The following CANX variants were observed in gnomAD, a reference collection of about 807,000 sequenced individuals.
CANX encodes the protein epididymis secretory sperm binding protein.
Under a neutral mutation model 75.7 loss-of-function variants are expected in CANX, and 14 were observed. The ratio of observed to expected loss-of-function variants is 0.19; its 90% confidence interval spans 0.12 to 0.29. The LOEUF (loss-of-function observed/expected upper bound fraction) is 0.29. Among genes scored for constraint, CANX ranks in the 10% least tolerant of loss-of-function variants. The pLI is 1.00. For missense variants in CANX, 567 were observed against 713.2 expected (o/e 0.79, Z 2.34); for synonymous variants, 227 against 236.9 (o/e 0.96, Z 0.38).
rs374449067 is a variant in CANX, at chr5:179,726,771, G to A, written c.1725+12G>A. 5.6e-5 allele frequency: 89 copies of A among 1,590,186 alleles called. No homozygotes were observed. Among genetic ancestry groups the A allele is most frequent in the Non-Finnish European group, 7.7e-5 (89 of 1,158,920 alleles). On this transcript the variant is annotated intron_variant, in intron 14 of 14. Coordinates refer to ENST00000247461, the MANE Select transcript of CANX (RefSeq NM_001746.4). ...AACCTAAAGCAGAGGTAAAGGAAAG[G>A]GGTCACACATTTTGTTTTACCAAGC...
chr5:179,680,641 A>G (rs975126460), intron 1 of CANX, among the ~76,000 whole-genome samples: 1 of 152,124 alleles, frequency 6.6e-6, no homozygotes, highest in Non-Finnish European at 1.5e-5. Context: ...CAAAGTCCAG[A>G]TAACAGACAA....
Position 179,705,715 on chromosome 5 carries a change from G to A in CANX, c.34G>A (p.Val12Met), listed in dbSNP as rs750129275. The A allele has an allele frequency of 2.5e-6, 4 of 1,613,216 alleles. No individual in the cohort carries two copies. Among genetic ancestry groups the A allele is most frequent in the East Asian group, 2.2e-5 (1 of 44,862 alleles). ...EGKWLLCMLLVLGTAIVEAHD... is the reference protein window; with the variant it reads ...EGKWLLCMLLMLGTAIVEAHD... ...GAAGTGGTTGCTGTGTATGTTACTG[G>A]TGCTTGGAACTGCTATTGTTGAGGC... The change falls in exon 2 of 15, where the codon GTG becomes ATG. Residue 12 changes from valine to methionine, a missense_variant. Val to Met is a conservative substitution (Grantham distance 21). Transcript: ENST00000247461.
At chr5:179,694,415 G>T, upstream of CANX, 1 of 632,390 alleles carries the variant, frequency 1.6e-6, no homozygotes, top group Non-Finnish European at 2.8e-6. Context: ...GGGAAATGAA[G>T]GGACCAGCTA....
chr5:179,699,022 C>G lies in CANX; in HGVS notation c.-84C>G, dbSNP rs1445488293. 2.7e-6 allele frequency: 3 copies of G among 1,121,258 alleles called. No individual in the cohort carries two copies. Among genetic ancestry groups the G allele is most frequent in the East Asian group, 9.7e-5 (1 of 10,354 alleles). The allele number at this position is 1,121,258 out of a possible 1,614,324, so 69.5% of individuals were successfully genotyped here. The stretch of plus-strand genomic sequence containing the variant: ...CACGTGACGGTCGGGCCGCCTCCGC[C>G]TCTCTCTTTACTGCGGCGCGGGGCA... On this transcript the variant is annotated 5_prime_UTR_variant, in exon 1 of 15. Coordinates refer to ENST00000247461, the MANE Select transcript of CANX (RefSeq NM_001746.4).
chr5:179,727,758 C>T (rs979194818), intron 14 of CANX, among the ~76,000 whole-genome samples: 4 of 152,100 alleles, frequency 2.6e-5, no homozygotes, highest in Non-Finnish European at 5.9e-5. Flanking sequence ...GATACGGTGG[C>T]CCCACAAAGG....
chr5:179,682,315 G>A (rs143353364), intron 1 of CANX, among the ~76,000 whole-genome samples: 3 of 151,702 alleles, frequency 2.0e-5, no homozygotes, highest in African/African-American at 2.4e-5. Context: ...GGTGGCTCAC[G>A]CCTGTAATCC....
At chr5:179,715,497 C>G (rs1340776857) in intron 7 of CANX, among the ~76,000 whole-genome samples, 1 of 152,160 alleles carries the variant, frequency 6.6e-6, no homozygotes, top group Non-Finnish European at 1.5e-5. Flanking sequence ...GAGATCACAC[C>G]ACTGCACTCC....
At chr5:179,701,114 C>G (rs1042709161) in intron 1 of CANX, 1 of 152,066 alleles carries the variant, frequency 6.6e-6, no homozygotes, top group Admixed American at 6.6e-5. Flanking sequence ...GATCCGCCCA[C>G]CTCGGCCTCC....
rs190792665 is a variant in CANX, at chr5:179,688,465, G to A, written c.-4+9688G>A. On this transcript the variant is annotated intron_variant, in intron 1 of 14. Coordinates refer to the CANX transcript ENST00000681674. ...TGCAAGCTCTGCCTCCCGGGTTCACGCCATTCTTCTGCCTTAGCCTGCCAA... is the reference window on the plus strand; with the variant it reads ...TGCAAGCTCTGCCTCCCGGGTTCACACCATTCTTCTGCCTTAGCCTGCCAA... 2.0e-4 allele frequency among the ~76,000 whole-genome samples: 30 copies of A among 147,326 alleles called. 1 individual carries two copies. Among genetic ancestry groups the A allele is most frequent in the Non-Finnish European group, 3.6e-4 (24 of 67,430 alleles).
chr5:179,723,239 T>G (rs1402609923), intron 11 of CANX, among the ~76,000 whole-genome samples: 1 of 152,086 alleles, frequency 6.6e-6, no homozygotes, highest in Admixed American at 6.6e-5. Context: ...TTTTTTATTA[T>G]TTGTCTGGGT....
At chr5:179,728,093 C>T (rs1023290483) in intron 14 of CANX, among the ~76,000 whole-genome samples, 1 of 152,200 alleles carries the variant, frequency 6.6e-6, no homozygotes, top group East Asian at 1.9e-4. Context: ...TTCCCCCAAA[C>T]TCCCTCACAC....
intron 7 of CANX, among the ~76,000 whole-genome samples, chr5:179,714,156 G>A (rs1295878534): frequency 6.6e-6 from 1 of 152,040 alleles, no homozygotes; most frequent in African/African-American, 2.4e-5. Flanking sequence ...GCGCCACCAT[G>A]CCCGGCCAAT....
In CANX at chr5:179,730,755, T is replaced by A. The variant is rs934091682; in HGVS notation, c.*2111T>A. On this transcript the variant is annotated 3_prime_UTR_variant, in exon 15 of 15. Transcript: ENST00000247461. ...ATGACCAGCAGCAGCTTTCAGCTCTTAAAAAGACACTTATATTTTGATTTT... is the reference window on the plus strand; with the variant it reads ...ATGACCAGCAGCAGCTTTCAGCTCTAAAAAAGACACTTATATTTTGATTTT... 2 of 152,248 alleles carry A rather than the reference T, an allele frequency of 1.3e-5. No individual in the cohort carries two copies. The highest frequency in any genetic ancestry group is 1.3e-4 in the Admixed American group (2 of 15,288). The allele number at this position is 152,248 out of a possible 1,614,324, so 9.4% of individuals were successfully genotyped here.
In CANX at chr5:179,678,709, C is replaced by T. The variant is rs562797198; in HGVS notation, c.-72C>T. Reference sequence around the variant, plus strand: ...GGATCACCTCGGGGTTGCGCTGCTTCTCCAGCAAGTGCATGCGCGCCATGG... The same window carrying T: ...GGATCACCTCGGGGTTGCGCTGCTTTTCCAGCAAGTGCATGCGCGCCATGG... On this transcript the variant is annotated 5_prime_UTR_variant, in exon 1 of 15. Coordinates refer to the CANX transcript ENST00000681674. The T allele has an allele frequency of 8.5e-6, 13 of 1,536,952 alleles. No homozygotes were observed. In the South Asian group the frequency reaches 1.1e-4, roughly 13 times the overall value.
In CANX at chr5:179,728,658, G is replaced by A; in HGVS notation, c.*14G>A. 6.3e-7 allele frequency: 1 copy of A among 1,597,864 alleles called. No homozygotes were observed. Among genetic ancestry groups the A allele is most frequent in the Non-Finnish European group, 8.6e-7 (1 of 1,165,456 alleles). The stretch of plus-strand genomic sequence containing the variant: ...CGAAGAGAGTGAAACAATCTTAAGA[G>A]CTTGATCTGTGATTTCTTCTCCCTC... On this transcript the variant is annotated 3_prime_UTR_variant, in exon 15 of 15. Transcript: ENST00000247461.
Position 179,724,798 on chromosome 5 carries a change from C to A in CANX, c.1645+15C>A. On this transcript the variant is annotated intron_variant, in intron 13 of 14. Coordinates refer to ENST00000247461, the MANE Select transcript of CANX (RefSeq NM_001746.4). Reference sequence around the variant, plus strand: ...AGAGAAACTTGGTAAGAAACAGAGTCCAGAAAATCTGCTTTAAGCCAAGAC... The same window carrying A: ...AGAGAAACTTGGTAAGAAACAGAGTACAGAAAATCTGCTTTAAGCCAAGAC... 6 of 1,596,244 alleles carry A rather than the reference C, an allele frequency of 3.8e-6. No homozygotes were observed. The highest frequency in any genetic ancestry group is 5.1e-6 in the Non-Finnish European group (6 of 1,170,594).
chr5:179,693,228 T>C (rs1192702495), intron 1 of CANX, among the ~76,000 whole-genome samples: 1 of 138,376 alleles, frequency 7.2e-6, no homozygotes, highest in East Asian at 2.1e-4. Flanking sequence ...GGAAAAAAAA[T>C]ATATATGGTT....
upstream of CANX, among the ~76,000 whole-genome samples, chr5:179,696,118 T>G (rs1304112393): frequency 6.6e-6 from 1 of 151,686 alleles, no homozygotes; most frequent in Non-Finnish European, 1.5e-5. Flanking sequence ...TGGGGTCTTG[T>G]CATGTTGCCC....
At chr5:179,704,652 A>G (rs1475225645) in intron 1 of CANX, among the ~76,000 whole-genome samples, 1 of 152,116 alleles carries the variant, frequency 6.6e-6, no homozygotes, top group Non-Finnish European at 1.5e-5. Flanking sequence ...CCTGGCCAAC[A>G]TGGCGAAACC....
Sources: gnomAD v4.1 joint callset for allele counts (sites outside exome capture counted in the v4.1 genomes callset) on GRCh38, gnomAD v4.1.1 for gene constraint, MANE v1.5 for transcripts, NCBI Gene and HGNC (gene_info 2026-07-23, HGNC 2026-07-21) for gene names.